Variants in ZFPM2 observed in about 807,000 individuals in gnomAD.
ZFPM2 encodes the protein zinc finger protein ZFPM2.
In ZFPM2, 20 loss-of-function variants were observed where a neutral mutation model predicts 98.6. That is an observed-to-expected ratio of 0.20 (90% CI 0.14 to 0.29). The LOEUF (loss-of-function observed/expected upper bound fraction) is 0.29, where lower values mean the gene tolerates loss of function less well. Ranked by LOEUF, ZFPM2 falls within the 10% of genes least tolerant of loss-of-function variation. The probability of loss-of-function intolerance (pLI) is 1.00; values close to 1 mark genes in which losing one functional copy is unlikely to be tolerated. For missense variants in ZFPM2, 1,310 were observed against 1,388.6 expected, an observed-to-expected ratio of 0.94 and a Z score of 0.90; for synonymous variants, 518 against 502.7, an observed-to-expected ratio of 1.03 and a Z score of -0.41.
chr8:105,450,174 A>T (rs1344171525), intron 3 of ZFPM2, among the ~76,000 whole-genome samples: 3 of 152,172 alleles, frequency 2.0e-5, no homozygotes, highest in Non-Finnish European at 4.4e-5. Flanking sequence ...GGATATATAC[A>T]GATGATCAGG....
intron 4 of ZFPM2, among the ~76,000 whole-genome samples, chr8:105,596,987 T>G (rs1159596940): frequency 6.6e-6 from 1 of 151,972 alleles, no homozygotes; most frequent in Non-Finnish European, 1.5e-5. Context: ...AATTCTACAT[T>G]GGAATATTTT....
intron 4 of ZFPM2, among the ~76,000 whole-genome samples, chr8:105,588,985 A>C (rs1586482757): frequency 1.3e-5 from 2 of 152,302 alleles, no homozygotes; most frequent in South Asian, 4.1e-4. Flanking sequence ...GAGATTTAAG[A>C]ATCCTTAATC....
intron 1 of ZFPM2, among the ~76,000 whole-genome samples, chr8:105,330,458 C>G (rs1812189578): frequency 6.7e-6 from 1 of 148,768 alleles, no homozygotes; most frequent in Non-Finnish European, 1.5e-5. Context: ...GTAATAGGTC[C>G]AAGAAAAGTG....
At chr8:105,456,729 G>A (rs1325649141) in intron 3 of ZFPM2, among the ~76,000 whole-genome samples, 1 of 152,162 alleles carries the variant, frequency 6.6e-6, no homozygotes, top group Non-Finnish European at 1.5e-5. Flanking sequence ...CTGGAGTGCA[G>A]TGGCATGATC....
chr8:105,643,938 C>T (rs66694826), intron 5 of ZFPM2, among the ~76,000 whole-genome samples: 16,573 of 152,166 alleles, frequency 0.11, 1,084 homozygotes, highest in South Asian at 0.22. Flanking sequence ...TTTACTGGAA[C>T]ACAGCCACAG....
chr8:105,501,927 C>A (rs72673716), intron 3 of ZFPM2, among the ~76,000 whole-genome samples: 55,763 of 151,896 alleles, frequency 0.37, 12,082 homozygotes, highest in African/African-American at 0.61. Context: ...TTTAATTCAA[C>A]AGAACATTAA....
At chr8:105,379,748 T>G (rs549824436) in intron 1 of ZFPM2, among the ~76,000 whole-genome samples, 1 of 111,256 alleles carries the variant, frequency 9.0e-6, no homozygotes, top group African/African-American at 3.2e-5. Flanking sequence ...AGTGAAACTC[T>G]GTCTCAAAAA....
At chr8:105,765,427 C>T (rs777428903) in intron 5 of ZFPM2, among the ~76,000 whole-genome samples, 16 of 151,824 alleles carry the variant, frequency 1.1e-4, no homozygotes, top group Non-Finnish European at 1.6e-4. Context: ...TTTGATTCAC[C>T]GTAAAATTCT....
At chr8:105,566,147 A>C (rs766593110) in intron 4 of ZFPM2, among the ~76,000 whole-genome samples, 1 of 152,106 alleles carries the variant, frequency 6.6e-6, no homozygotes, top group Non-Finnish European at 1.5e-5. Context: ...TCACTGATTT[A>C]AATGTTAATT....
chr8:105,541,657 T>C (rs1290515044), intron 3 of ZFPM2, among the ~76,000 whole-genome samples: 1 of 152,220 alleles, frequency 6.6e-6, no homozygotes, highest in Non-Finnish European at 1.5e-5. Context: ...ATGGAGATTT[T>C]AGTATCTTTC....
chr8:105,685,592 C>G (rs1810714623), intron 5 of ZFPM2, among the ~76,000 whole-genome samples: 1 of 151,854 alleles, frequency 6.6e-6, no homozygotes, highest in Admixed American at 6.6e-5. Flanking sequence ...CCCAGCAATG[C>G]CCTAGTATCT....
In ZFPM2 at chr8:105,348,691, G is replaced by C. The variant is rs192567561; in HGVS notation, c.40+29710G>C. ...ACTTCTTTCAAGGGAGGGACAGGGG[G>C]CAGGTATAGCAGTAAACCAATAAAA... On this transcript the variant is annotated intron_variant, in intron 1 of 7. Transcript: ENST00000407775. Among the ~76,000 whole-genome samples the C allele has an allele frequency of 3.3e-5, 5 of 152,136 alleles. 1 individual carries two copies. Among genetic ancestry groups the C allele is most frequent in the Non-Finnish European group, 7.4e-5 (5 of 68,020 alleles).
intron 4 of ZFPM2, among the ~76,000 whole-genome samples, chr8:105,608,373 G>A (rs759743146): frequency 2.0e-5 from 3 of 152,006 alleles, no homozygotes; most frequent in Non-Finnish European, 4.4e-5. Context: ...GGTTATTCTT[G>A]CATGTTACAC....
chr8:105,325,261 A>C (rs747825713), intron 1 of ZFPM2, among the ~76,000 whole-genome samples: 10 of 151,900 alleles, frequency 6.6e-5, no homozygotes, highest in Non-Finnish European at 1.2e-4. Flanking sequence ...ATTTTTAAAA[A>C]CTGAAATGCA....
chr8:105,569,731 G>C (rs1230798149), intron 4 of ZFPM2, among the ~76,000 whole-genome samples: 2 of 152,080 alleles, frequency 1.3e-5, no homozygotes, highest in Non-Finnish European at 2.9e-5. Flanking sequence ...CTATGACATG[G>C]GTGAAGGCCA....
intron 3 of ZFPM2, among the ~76,000 whole-genome samples, chr8:105,485,832 A>C: frequency 6.6e-6 from 1 of 152,204 alleles, no homozygotes; most frequent in East Asian, 1.9e-4. Flanking sequence ...AAGGAGACTG[A>C]AAAGGGACTG....
intron 5 of ZFPM2, among the ~76,000 whole-genome samples, chr8:105,697,480 T>C (rs1187645344): frequency 6.6e-6 from 1 of 152,176 alleles, no homozygotes; most frequent in African/African-American, 2.4e-5. Flanking sequence ...TTACATATGC[T>C]TTCAATTGCT....
intron 5 of ZFPM2, among the ~76,000 whole-genome samples, chr8:105,635,694 C>T (rs953866080): frequency 6.6e-6 from 1 of 152,050 alleles, no homozygotes; most frequent in African/African-American, 2.4e-5. Flanking sequence ...ACAAAAGATA[C>T]CTTGGAATGT....
At chr8:105,426,355 AC>A (rs138627755) in intron 2 of ZFPM2, among the ~76,000 whole-genome samples, 72 of 152,216 alleles carry the variant, frequency 4.7e-4, no homozygotes, top group African/African-American at 1.6e-3. Flanking sequence ...AAGCTTACTG[AC>A]CTGAATCTTT....
Sources: gnomAD v4.1 joint callset for allele counts (sites outside exome capture counted in the v4.1 genomes callset) on GRCh38, gnomAD v4.1.1 for gene constraint, MANE v1.5 for transcripts, NCBI Gene and HGNC (gene_info 2026-07-23, HGNC 2026-07-21) for gene names.